The following ARAP3 variants were observed in gnomAD, a reference collection of about 807,000 sequenced individuals.
ARAP3 encodes arf-GAP with Rho-GAP domain, ANK repeat and PH domain-containing protein 3.
A neutral mutation model predicts 169.2 loss-of-function variants in ARAP3; 82 were observed. The ratio of observed to expected loss-of-function variants is 0.48; its 90% confidence interval spans 0.41 to 0.58. The LOEUF is 0.58. ARAP3 is among the 20% of genes least tolerant of loss of function. The pLI is 0.00. For synonymous variants in ARAP3, 791 were observed against 800.3 expected, an observed-to-expected ratio of 0.99 and a Z score of 0.20; for missense variants, 1,764 against 2,018.0, an observed-to-expected ratio of 0.87 and a Z score of 2.41.
intron 20 of ARAP3, 50 bp downstream of exon 20, chr5:141,661,993 G>T: frequency 6.2e-7 from 1 of 1,604,318 alleles, no homozygotes; most frequent in Non-Finnish European, 8.5e-7. Context: ...TCTGGTGGGG[G>T]AAGGCAGAGA....
At chr5:141,654,678 A>C (rs12654225) in intron 32 of ARAP3, among the ~76,000 whole-genome samples, 8,314 of 151,824 alleles carry the variant, frequency 0.055, 263 homozygotes, top group South Asian at 0.12. Flanking sequence ...GGTCTGTCTA[A>C]CTCCAAAATG....
rs745579721 is a variant in ARAP3, at chr5:141,672,729, G to A, written c.1278+12C>T. 24 of 1,614,030 alleles carry A rather than the reference G, an allele frequency of 1.5e-5. No individual in the cohort carries two copies. The South Asian group carries it at 1.5e-4, about 10-fold the overall frequency. On this transcript the variant is annotated intron_variant, in intron 8 of 32. Coordinates refer to ENST00000239440, the MANE Select transcript of ARAP3 (RefSeq NM_022481.6). This position sits in a 1 kb window ranked among gnomAD's most constrained non-coding sequence, Gnocchi z 4.9. ...AGTTCAGGCCCCTCAGCCCTGGCCC[G>A]GCTCTCCTCACCTGCTCACTCTTGT...
chr5:141,676,691 C>A (rs1255247040), intron 4 of ARAP3, among the ~76,000 whole-genome samples: 1 of 152,172 alleles, frequency 6.6e-6, no homozygotes, highest in Non-Finnish European at 1.5e-5. Flanking sequence ...TTTGCTATTT[C>A]TCTTCTGTCC....
Position 141,666,468 on chromosome 5 carries a change from G to A in ARAP3, c.2528C>T (p.Pro843Leu), listed in dbSNP as rs143455055. The A allele has an allele frequency of 1.3e-6, 2 of 1,594,468 alleles. No individual in the cohort carries two copies. The highest frequency in any genetic ancestry group is 1.3e-5 in the African/African-American group (1 of 74,080). Reference protein sequence around the residue: ...FLCSAPGPGPPAPEDMVHLRR... With the variant: ...FLCSAPGPGPLAPEDMVHLRR... The stretch of plus-strand genomic sequence containing the variant: ...CAGATGCACCATGTCCTCAGGGGCT[G>A]GGGGGCCTGGGCCCGGCGCTGAGCA... Residue 843 changes from proline (P) to leucine (L), a missense_variant, in exon 17 of 33, where the codon CCA (proline) becomes CTA (leucine). By Grantham distance (98) the Pro-to-Leu change is moderately conservative. Coordinates refer to ENST00000239440, the MANE Select transcript of ARAP3 (RefSeq NM_022481.6).
Position 141,662,265 on chromosome 5 carries a change from G to A in ARAP3, c.2801-10C>T. On this transcript the variant is annotated splice_polypyrimidine_tract_variant and intron_variant, in intron 19 of 32. Coordinates refer to ENST00000239440, the MANE Select transcript of ARAP3 (RefSeq NM_022481.6). ...CCTTCCAGCCGGAGCCCTGAGGAGAGCCAGCCGTCTCTGCTCACCATGGTG... is the reference window on the plus strand; with the variant it reads ...CCTTCCAGCCGGAGCCCTGAGGAGAACCAGCCGTCTCTGCTCACCATGGTG... 1 of 1,613,508 alleles carries A rather than the reference G, an allele frequency of 6.2e-7. No individual in the cohort carries two copies. The highest frequency in any genetic ancestry group is 8.5e-7 in the Non-Finnish European group (1 of 1,179,836).
intron 23 of ARAP3, 67 bp from the exon 24 acceptor site, chr5:141,658,720 T>C: frequency 1.5e-6 from 2 of 1,370,348 alleles, no homozygotes; most frequent in Non-Finnish European, 2.0e-6. Flanking sequence ...AGTCAGAGGG[T>C]TCCTCGTGTT....
At position 141,654,337 on chromosome 5, in the gene ARAP3, C is replaced by T; in HGVS notation, c.4248G>A (p.Glu1416=). 6.2e-7 allele frequency: 1 copy of T among 1,614,110 alleles called. No homozygotes were observed. Among genetic ancestry groups the T allele is most frequent in the Non-Finnish European group, 8.5e-7 (1 of 1,179,990 alleles). ...PVYEEVGAFP[E]LIQDTSTSFS... is the part of the protein sequence containing the mutation. ...AGGAGGTAGAAGTGTCCTGGATCAA[C>T]TCAGGGAAGGCCCCTACTTCCTCAT... The change falls in exon 33 of 33, where the codon GAG becomes GAA. Residue 1416 remains glutamate (E), a synonymous_variant. Coordinates refer to ENST00000239440, the MANE Select transcript of ARAP3 (RefSeq NM_022481.6).
intron 14 of ARAP3, 70 bp downstream of exon 14, chr5:141,670,442 C>A: frequency 6.8e-7 from 1 of 1,469,718 alleles, no homozygotes; most frequent in South Asian, 1.2e-5. Context: ...TCCTCTTTGT[C>A]CCTCTGCAGT....
In ARAP3 at chr5:141,662,180, C is replaced by T. The variant is rs765074323; in HGVS notation, c.2876G>A (p.Arg959Gln). The T allele has an allele frequency of 6.2e-6, 10 of 1,614,236 alleles. No individual in the cohort carries two copies. The highest frequency in any genetic ancestry group is 1.1e-5 in the South Asian group (1 of 91,082). Residue 959 changes from arginine to glutamine, a missense_variant, in exon 20 of 33, where the codon CGG (arginine) becomes CAG (glutamine). Physicochemically the swap from Arg to Gln is conservative, Grantham distance 43 (BLOSUM62 1). Transcript: ENST00000239440. ...RSLRLLAEFR[R>Q]DARSVKLRPG... ...TCGGAGCTTCACCGACCGGGCATCC[C>T]GACGGAACTCAGCCAGGAGTCTCAG...
At chr5:141,670,685 C>T in intron 13 of ARAP3, 57 bp from the exon 14 acceptor site, 1 of 1,460,042 alleles carries the variant, frequency 6.8e-7, no homozygotes, top group Non-Finnish European at 9.6e-7. Flanking sequence ...TAACCTGACC[C>T]CCTCTGGGGA....
At chr5:141,662,367 A>C in intron 19 of ARAP3, 112 bp from the exon 20 acceptor site, 1 of 958,502 alleles carries the variant, frequency 1.0e-6, no homozygotes, top group Non-Finnish European at 1.6e-6. Context: ...CATGGGATTC[A>C]GAGAGGAGGA....
At position 141,666,064 on chromosome 5, in the gene ARAP3, T is replaced by A. The variant is rs1447147592; in HGVS notation, c.2572+360A>T. On this transcript the variant is annotated intron_variant, in intron 17 of 32. Coordinates refer to ENST00000239440, the MANE Select transcript of ARAP3 (RefSeq NM_022481.6). The stretch of plus-strand genomic sequence containing the variant: ...CAAAAAAAAAAAAAAATAATAATAA[T>A]AATAATAATAACAACATTTATTGAG... Among the ~76,000 whole-genome samples the A allele has an allele frequency of 5.5e-3, 815 of 147,680 alleles. 10 individuals are homozygous for A. Among genetic ancestry groups the A allele is most frequent in the African/African-American group, 0.02 (786 of 39,884 alleles).
intron 16 of ARAP3, among the ~76,000 whole-genome samples, chr5:141,668,115 G>A (rs1429899245): frequency 2.0e-5 from 3 of 151,724 alleles, no homozygotes; most frequent in African/African-American, 4.8e-5. Context: ...AATACAACCC[G>A]ACCCGCTTTT....
At chr5:141,654,473 TAA>T (rs79862920) in intron 32 of ARAP3, 38 bp from the exon 33 acceptor site, 105,502 of 1,520,446 alleles carry the variant, frequency 0.069, 4,278 homozygotes, top group Non-Finnish European at 0.083. Context: ...GGCACATAGT[TAA>T]AGTTACCAGA....
In ARAP3 at chr5:141,654,274, G is replaced by A; in HGVS notation, c.4311C>T (p.Asn1437=). 6.2e-7 allele frequency: 1 copy of A among 1,614,128 alleles called. No homozygotes were observed. The highest frequency in any genetic ancestry group is 8.5e-7 in the Non-Finnish European group (1 of 1,180,022). The change falls in exon 33 of 33, where the codon AAC becomes AAT. Residue 1437 remains asparagine (N), a synonymous_variant. Coordinates refer to ENST00000239440, the MANE Select transcript of ARAP3 (RefSeq NM_022481.6). ...TTREWTVKPE[N]PLTSQKSLDQ... is the part of the protein sequence containing the mutation. ...CCAATGACTTCTGGCTGGTGAGGGG[G>A]TTCTCTGGCTTCACTGTCCACTCCC...
At chr5:141,668,647 G>C (rs549442117) in intron 16 of ARAP3, among the ~76,000 whole-genome samples, 1 of 152,198 alleles carries the variant, frequency 6.6e-6, no homozygotes, top group Non-Finnish European at 1.5e-5. Flanking sequence ...GGCCACGACA[G>C]AGCCCTGAAA....
At chr5:141,679,197 G>A (rs1429584856) in intron 4 of ARAP3, among the ~76,000 whole-genome samples, 1 of 152,212 alleles carries the variant, frequency 6.6e-6, no homozygotes, top group Non-Finnish European at 1.5e-5. Context: ...CCTGAGACAG[G>A]AGAATCGCTT....
At position 141,672,192 on chromosome 5, in the gene ARAP3, G is replaced by C. The variant is rs768509113; in HGVS notation, c.1495C>G (p.Arg499Gly). 2 of 1,614,204 alleles carry C rather than the reference G, an allele frequency of 1.2e-6. No homozygotes were observed. Among genetic ancestry groups the C allele is most frequent in the Non-Finnish European group, 1.7e-6 (2 of 1,180,034 alleles). Residue 499 changes from arginine (R) to glycine (G), a missense_variant, in exon 10 of 33, where the codon CGG (arginine) becomes GGG (glycine). By Grantham distance (125) the Arg-to-Gly change is moderately radical. Transcript: ENST00000239440. The surrounding 1 kb of genome is among the most constrained non-coding windows in gnomAD (Gnocchi z 4.9). ...CAGTCCGCACACTGCCGGTTGGCCC[G>C]ATTAGACCAGATCTTCTCAGCCACC... is the stretch of plus-strand genomic sequence containing the variant. ...YEVAEKIWSN[R>G]ANRQCADCGS...
rs774239224 is a variant in ARAP3, at chr5:141,673,074, C to G, written c.1032G>C (p.Lys344Asn). 1 of 1,614,210 alleles carries G rather than the reference C, an allele frequency of 6.2e-7. No homozygotes were observed. The highest frequency in any genetic ancestry group is 1.7e-5 in the Admixed American group (1 of 60,024). The change falls in exon 7 of 33, where the codon AAG (lysine) becomes AAC (asparagine). Residue 344 changes from lysine (K) to asparagine (N), a missense_variant. By Grantham distance (94) the Lys-to-Asn change is moderately conservative. This residue lies in a region of ARAP3 where 630 missense variants were observed against 678.7 expected (regional missense o/e 0.93). Coordinates refer to ENST00000239440, the MANE Select transcript of ARAP3 (RefSeq NM_022481.6). ...LTAIEMTRSS[K>N]DNKFQVITGQ... Reference sequence around the variant, plus strand: ...CGGTGATGACCTGGAACTTGTTGTCCTTGCTGCTGCGGGTCATCTCAATGG... The same window carrying G: ...CGGTGATGACCTGGAACTTGTTGTCGTTGCTGCTGCGGGTCATCTCAATGG...
Sources: allele counts gnomAD v4.1 joint callset (sites outside exome capture counted in the v4.1 genomes callset), GRCh38; gene constraint gnomAD v4.1.1; regional missense constraint gnomAD v4.1.1; non-coding constraint Gnocchi (gnomAD v3.1); transcripts MANE v1.5; gene names NCBI Gene and HGNC (gene_info 2026-07-23, HGNC 2026-07-21).